Variants in SLC17A8 observed in about 807,000 individuals in gnomAD.
SLC17A8 encodes the protein vesicular glutamate transporter 3.
Under a neutral mutation model 58.0 loss-of-function variants are expected in SLC17A8, and 31 were observed. That is an observed-to-expected ratio of 0.53 (90% CI 0.40 to 0.72). The LOEUF is 0.72. SLC17A8 is among the 30% of genes least tolerant of loss of function. SLC17A8 has a pLI of 0.00. For missense variants in SLC17A8, 655 were observed against 727.8 expected (o/e 0.90, Z 1.15); for synonymous variants, 228 against 249.0 (o/e 0.92, Z 0.79).
rs143738871 is a variant in SLC17A8 at position 100,361,294 on chromosome 12, T to A, written c.101+3802T>A. Among the ~76,000 whole-genome samples the A allele has an allele frequency of 3.3e-4, 50 of 152,338 alleles. 1 individual carries two copies. The highest frequency in any genetic ancestry group is 1.2e-3 in the African/African-American group (48 of 41,580). ...AGGCTCTCTGAGTTCATCTGTGACA[T>A]TTTCCTGCCTCACTCTACTCTGGAT... is the stretch of plus-strand genomic sequence containing the variant. On this transcript the variant is annotated intron_variant, in intron 1 of 11. Coordinates refer to ENST00000323346, the MANE Select transcript of SLC17A8 (RefSeq NM_139319.3).
At chr12:100,393,254 C>G in intron 3 of SLC17A8, 115 bp from the exon 4 acceptor site, 1 of 734,352 alleles carries the variant, frequency 1.4e-6, no homozygotes, top group South Asian at 1.4e-5. Flanking sequence ...ACGATCTTTC[C>G]ACAGGGATTT....
intron 9 of SLC17A8, among the ~76,000 whole-genome samples, chr12:100,404,959 A>C (rs745348849): frequency 5.9e-5 from 9 of 152,230 alleles, no homozygotes; most frequent in Non-Finnish European, 1.2e-4. Context: ...AGCGAGCAGG[A>C]GGTAGAGGAT....
At chr12:100,377,087 G>T (rs914090241) in intron 1 of SLC17A8, among the ~76,000 whole-genome samples, 1 of 152,148 alleles carries the variant, frequency 6.6e-6, no homozygotes, top group Admixed American at 6.5e-5. Flanking sequence ...TGGGATTACA[G>T]GCGTGAGCTA....
At chr12:100,362,519 C>T (rs772948786) in intron 1 of SLC17A8, among the ~76,000 whole-genome samples, 56 of 152,098 alleles carry the variant, frequency 3.7e-4, no homozygotes, top group Non-Finnish European at 6.2e-4. Context: ...CATGAGCCAC[C>T]GCACCCTGCC....
At chr12:100,400,388 A>G (rs1435543511) in intron 5 of SLC17A8, among the ~76,000 whole-genome samples, 1 of 152,164 alleles carries the variant, frequency 6.6e-6, no homozygotes, top group Non-Finnish European at 1.5e-5. Context: ...GTAACCCATT[A>G]TAGCTTACAA....
chr12:100,412,690 G>C (rs2136014653), intron 9 of SLC17A8, 80 bp from the exon 10 acceptor site: 1 of 900,316 alleles, frequency 1.1e-6, no homozygotes, highest in East Asian at 2.5e-5. Flanking sequence ...TTATAGGTTA[G>C]TTCTTATTTG....
At chr12:100,380,650 T>C in intron 1 of SLC17A8, 51 bp from the exon 2 acceptor site, 3 of 1,611,726 alleles carry the variant, frequency 1.9e-6, no homozygotes, top group Non-Finnish European at 2.5e-6. Context: ...TATACTTTCT[T>C]TTTCCTTTAA....
chr12:100,409,953 T>C (rs944492505), intron 9 of SLC17A8, among the ~76,000 whole-genome samples: 5 of 152,198 alleles, frequency 3.3e-5, no homozygotes, highest in Non-Finnish European at 7.3e-5. Context: ...ACTCATGATA[T>C]GGAGCTCATG....
chr12:100,403,329 C>T (rs771032623), intron 8 of SLC17A8, among the ~76,000 whole-genome samples: 10 of 152,126 alleles, frequency 6.6e-5, no homozygotes, highest in African/African-American at 2.4e-4. Flanking sequence ...ATTAGCTGGG[C>T]GTAGTGATGC....
chr12:100,389,755 C>T (rs1952700750), intron 2 of SLC17A8, among the ~76,000 whole-genome samples: 1 of 151,162 alleles, frequency 6.6e-6, no homozygotes, highest in South Asian at 2.1e-4. Context: ...ATCTCAACCT[C>T]CTGAGTAGCT....
intron 2 of SLC17A8, among the ~76,000 whole-genome samples, chr12:100,384,297 G>A (rs1461307911): frequency 6.6e-6 from 1 of 152,040 alleles, no homozygotes; most frequent in Non-Finnish European, 1.5e-5. Flanking sequence ...AAACTGGCTC[G>A]AGTTAAAAGG....
chr12:100,385,987 C>T lies in SLC17A8; in HGVS notation c.355-5014C>T, dbSNP rs11110361. Reference sequence around the variant, plus strand: ...ACTCTCATGTCTGCCTCCATCTTCACGTGGACATCTTTCTGCGTGTCTCCT... The same window carrying T: ...ACTCTCATGTCTGCCTCCATCTTCATGTGGACATCTTTCTGCGTGTCTCCT... On this transcript the variant is annotated intron_variant, in intron 2 of 11. Transcript: ENST00000323346. 1.0e-3 allele frequency among the ~76,000 whole-genome samples: 157 copies of T among 152,278 alleles called. No homozygotes were observed. The East Asian group carries it at 0.027, about 26-fold the overall frequency.
chr12:100,405,607 T>C (rs35582280), intron 9 of SLC17A8, among the ~76,000 whole-genome samples: 44,844 of 151,926 alleles, frequency 0.3, 7,646 homozygotes, highest in Non-Finnish European at 0.37. Flanking sequence ...CAAGAAGAGA[T>C]TCCGCCATAG....
intron 2 of SLC17A8, among the ~76,000 whole-genome samples, chr12:100,383,779 C>T (rs1384856599): frequency 2.0e-5 from 3 of 151,728 alleles, no homozygotes; most frequent in African/African-American, 7.3e-5. Flanking sequence ...TCATAGTTCA[C>T]CGCAGCCTTG....
chr12:100,402,882 A>C, intron 8 of SLC17A8, 137 bp downstream of exon 8: 1 of 892,930 alleles, frequency 1.1e-6, no homozygotes, highest in South Asian at 1.8e-5. Flanking sequence ...CCTGGCTGTC[A>C]GACAAGTTAT....
intron 5 of SLC17A8, among the ~76,000 whole-genome samples, chr12:100,398,560 C>G (rs1041343588): frequency 1.3e-5 from 2 of 152,184 alleles, no homozygotes; most frequent in Non-Finnish European, 2.9e-5. Context: ...GGACACAGGC[C>G]TCATTACATG....
chr12:100,388,504 C>T (rs1205806910), intron 2 of SLC17A8, among the ~76,000 whole-genome samples: 1 of 152,132 alleles, frequency 6.6e-6, no homozygotes, highest in Admixed American at 6.5e-5. Flanking sequence ...TTCCTTTTTA[C>T]CATTGAGCTT....
Position 100,396,409 on chromosome 12 carries a change from C to G in SLC17A8, c.668C>G (p.Ser223Cys). The G allele has an allele frequency of 6.2e-7, 1 of 1,613,518 alleles. No individual in the cohort carries two copies. ...GAGAGAAGCCGACTGGCCACAACCT[C>G]TTTTTGTGGTGGGTATATTAGAATC... is the stretch of plus-strand genomic sequence containing the variant. Reference protein sequence around the residue: ...PLERSRLATTSFCGSYAGAVV... With the variant: ...PLERSRLATTCFCGSYAGAVV... The change falls in exon 5 of 12, where the codon TCT becomes TGT. Residue 223 changes from serine to cysteine, a missense_variant. Physicochemically the swap from Ser to Cys is moderately radical, Grantham distance 112 (BLOSUM62 -1). Transcript: ENST00000323346.
Position 100,380,712 on chromosome 12 carries a change from G to A in SLC17A8, c.113G>A (p.Gly38Glu), listed in dbSNP as rs1411668072. 1.9e-6 allele frequency: 3 copies of A among 1,613,736 alleles called. No individual in the cohort carries two copies. Among genetic ancestry groups the A allele is most frequent in the Non-Finnish European group, 2.5e-6 (3 of 1,179,970 alleles). Residue 38 changes from glycine (G) to glutamate (E), a missense_variant, in exon 2 of 12, where the codon GGG becomes GAG. Physicochemically the swap from Gly to Glu is moderately conservative, Grantham distance 98 (BLOSUM62 -2). Transcript: ENST00000323346. ...SLGILQRKIDGTTEEEDNIEL... is the reference protein window; with the variant it reads ...SLGILQRKIDETTEEEDNIEL... ...TTTTTCCCATGTAGAAAAATCGATG[G>A]GACAACTGAGGAAGAAGATAACATT...
Sources: gnomAD v4.1 joint callset for allele counts (sites outside exome capture counted in the v4.1 genomes callset) on GRCh38, gnomAD v4.1.1 for gene constraint, MANE v1.5 for transcripts, NCBI Gene and HGNC (gene_info 2026-07-23, HGNC 2026-07-21) for gene names.